The following SEMA3C variants were observed in gnomAD, a reference collection of about 807,000 sequenced individuals.
SEMA3C encodes semaphorin-3C.
Under a neutral mutation model 89.4 loss-of-function variants are expected in SEMA3C, and 47 were observed. That is an observed-to-expected ratio of 0.53 (90% CI 0.42 to 0.67). The LOEUF is 0.67. Among genes scored for constraint, SEMA3C ranks in the 30% least tolerant of loss-of-function variants. The probability of loss-of-function intolerance (pLI) is 0.00; values close to 1 mark genes in which losing one functional copy is unlikely to be tolerated. For synonymous variants in SEMA3C, 310 were observed against 320.2 expected (o/e 0.97, Z 0.34); for missense variants, 839 against 929.1 (o/e 0.90, Z 1.26).
Position 80,840,244 on chromosome 7 carries a change from G to A in SEMA3C, c.104-11499C>T, listed in dbSNP as rs145607178. On this transcript the variant is annotated intron_variant, in intron 2 of 17. Coordinates refer to ENST00000265361, the MANE Select transcript of SEMA3C (RefSeq NM_006379.5). ...ATTCAATAGATGGTAAAAAGGCCAG[G>A]TGTGGTAGCTCATGCCTGTAATCCG... Among the ~76,000 whole-genome samples, 350 of 152,182 alleles carry A rather than the reference G, an allele frequency of 2.3e-3. 6 individuals carry two copies. Among genetic ancestry groups the A allele is most frequent in the African/African-American group, 8.1e-3 (336 of 41,528 alleles).
At chr7:80,765,083 C>A in intron 13 of SEMA3C, 72 bp downstream of exon 13, 1 of 1,007,994 alleles carries the variant, frequency 9.9e-7, no homozygotes, top group Non-Finnish European at 1.5e-6. Context: ...TAGTTTCCTC[C>A]CAAGTGGCTG....
chr7:80,751,048 C>T (rs1787922549), intron 16 of SEMA3C, among the ~76,000 whole-genome samples: 1 of 152,188 alleles, frequency 6.6e-6, no homozygotes, highest in Non-Finnish European at 1.5e-5. Flanking sequence ...AGCTAACATA[C>T]TTGAAGTATG....
chr7:80,751,457 T>A (rs76403758), intron 15 of SEMA3C, 121 bp from the exon 16 acceptor site: 6 of 786,412 alleles, frequency 7.6e-6, no homozygotes, highest in Admixed American at 4.4e-5. Context: ...TAAAATTTTT[T>A]AAAAAGAGTT....
intron 16 of SEMA3C, among the ~76,000 whole-genome samples, 161 bp from the exon 17 acceptor site, chr7:80,749,189 T>C (rs1787868522): frequency 6.6e-6 from 1 of 152,048 alleles, no homozygotes; most frequent in South Asian, 2.1e-4. Context: ...ACAAGCAAAA[T>C]AGGATACGTT....
intron 2 of SEMA3C, among the ~76,000 whole-genome samples, chr7:80,878,839 A>G (rs980438568): frequency 6.6e-6 from 1 of 152,162 alleles, no homozygotes; most frequent in Non-Finnish European, 1.5e-5. Flanking sequence ...AGAGACACTG[A>G]TATTTAAGAA....
At chr7:80,863,514 C>T (rs1196957175) in intron 2 of SEMA3C, among the ~76,000 whole-genome samples, 2 of 151,576 alleles carry the variant, frequency 1.3e-5, no homozygotes, top group Admixed American at 6.6e-5. Flanking sequence ...TGGGTATCTA[C>T]CAGGAGGAAA....
In SEMA3C at chr7:80,840,542, A is replaced by G. The variant is rs374451905; in HGVS notation, c.104-11797T>C. Among the ~76,000 whole-genome samples, 16 of 134,952 alleles carry G rather than the reference A, an allele frequency of 1.2e-4. No individual in the cohort carries two copies. In the East Asian group the frequency reaches 2.1e-3, roughly 18 times the overall value. 88.5% of individuals were successfully genotyped at this position (134,952 alleles called of 152,430 possible). A position where few individuals can be genotyped will look rare whatever the true frequency, so the allele number is the denominator to read the frequency against. On this transcript the variant is annotated intron_variant, in intron 2 of 17. Transcript: ENST00000265361. Reference sequence around the variant, plus strand: ...GGAAAAAAAAAAAAAAAAAAAAAAAAAGAGCGAGAGAGAGAGAGCGCGATG... The same window carrying G: ...GGAAAAAAAAAAAAAAAAAAAAAAAGAGAGCGAGAGAGAGAGAGCGCGATG...
chr7:80,839,014 T>TG (rs35929479), intron 2 of SEMA3C, among the ~76,000 whole-genome samples: 43,344 of 152,058 alleles, frequency 0.29, 6,659 homozygotes, highest in East Asian at 0.57. Flanking sequence ...TAAGCTCACT[T>TG]GGAAGACATG....
intron 2 of SEMA3C, among the ~76,000 whole-genome samples, chr7:80,897,602 A>G (rs993116993): frequency 6.6e-6 from 1 of 152,220 alleles, no homozygotes; most frequent in Non-Finnish European, 1.5e-5. Context: ...TAGTAGAAAT[A>G]AGAATTAGAA....
At chr7:80,829,128 C>G (rs1789950873) in intron 2 of SEMA3C, among the ~76,000 whole-genome samples, 1 of 151,992 alleles carries the variant, frequency 6.6e-6, no homozygotes, top group Non-Finnish European at 1.5e-5. Context: ...GATCATGCTA[C>G]TGCACGCCAG....
At chr7:80,863,415 C>T (rs1790821743) in intron 2 of SEMA3C, among the ~76,000 whole-genome samples, 1 of 150,670 alleles carries the variant, frequency 6.6e-6, no homozygotes, top group Admixed American at 6.6e-5. Context: ...GGTAAGAATG[C>T]AAACTAGTAC....
chr7:80,898,972 G>T (rs931451328), intron 2 of SEMA3C, among the ~76,000 whole-genome samples: 1 of 152,084 alleles, frequency 6.6e-6, no homozygotes, highest in African/African-American at 2.4e-5. Context: ...GTACACAAAT[G>T]GATAAAAATG....
At chr7:80,754,964 T>TTTTGTTTTTTTTG (rs765917535) in intron 15 of SEMA3C, among the ~76,000 whole-genome samples, 1 of 129,148 alleles carries the variant, frequency 7.7e-6, no homozygotes, top group Non-Finnish European at 1.7e-5. Context: ...TTTGTTTTTT[T>TTTTGTTTTTTTTG]TTTTTTTGTA....
intron 11 of SEMA3C, 100 bp downstream of exon 11, chr7:80,797,992 C>A (rs528398896): frequency 1.3e-5 from 15 of 1,174,634 alleles, no homozygotes; most frequent in Non-Finnish European, 1.8e-5. Context: ...AGTGAGACTC[C>A]GTCTCAAAAA....
chr7:80,922,037 T>G (rs891524811), upstream of SEMA3C, among the ~76,000 whole-genome samples: 8 of 152,196 alleles, frequency 5.3e-5, no homozygotes, highest in Non-Finnish European at 8.8e-5. Context: ...GTCTTATTAT[T>G]TAGTCATAAA....
chr7:80,754,113 T>A (rs2117038735), intron 15 of SEMA3C, among the ~76,000 whole-genome samples: 1 of 152,280 alleles, frequency 6.6e-6, no homozygotes, highest in South Asian at 2.1e-4. Flanking sequence ...AATTTTGTAT[T>A]TTTAGTAGAG....
Position 80,827,475 on chromosome 7 carries a change from C to A in SEMA3C, c.277G>T (p.Ala93Ser), listed in dbSNP as rs1562893833. 1 of 1,586,978 alleles carries A rather than the reference C, an allele frequency of 6.3e-7. No homozygotes were observed. Among genetic ancestry groups the A allele is most frequent in the South Asian group, 1.1e-5 (1 of 88,002 alleles). Residue 93 changes from alanine (A) to serine (S), a missense_variant, in exon 4 of 18, where the codon GCA becomes TCA. Physicochemically the swap from Ala to Ser is moderately conservative, Grantham distance 99. Transcript: ENST00000265361. ...CATTCTTCAACTTTGATTGTAGATGCTGGCCAGAAAACCTGCTCAGAAAGA... is the reference window on the plus strand; with the variant it reads ...CATTCTTCAACTTTGATTGTAGATGATGGCCAGAAAACCTGCTCAGAAAGA... Reference protein sequence around the residue: ...SQEALSVFWPASTIKVEECKM... With the variant: ...SQEALSVFWPSSTIKVEECKM...
intron 5 of SEMA3C, chr7:80,816,051 G>C (rs902068079): frequency 1.3e-5 from 2 of 152,114 alleles, no homozygotes; most frequent in African/African-American, 4.8e-5. Flanking sequence ...GTAGACACAG[G>C]AGAAGAACCG....
At chr7:80,920,270 C>T (rs1319261160), upstream of SEMA3C, among the ~76,000 whole-genome samples, 1 of 152,112 alleles carries the variant, frequency 6.6e-6, no homozygotes, top group African/African-American at 2.4e-5. Context: ...AGCTTTGATC[C>T]CCATAAAACA....
Sources: allele counts gnomAD v4.1 joint callset (sites outside exome capture counted in the v4.1 genomes callset), GRCh38; gene constraint gnomAD v4.1.1; transcripts MANE v1.5; gene names NCBI Gene and HGNC (gene_info 2026-07-23, HGNC 2026-07-21).